TRPM1: variants seen among roughly 807,000 people sequenced by gnomAD.
The protein encoded by TRPM1 is transient receptor potential cation channel subfamily M member 1.
In TRPM1, 113 loss-of-function variants were observed where a neutral mutation model predicts 149.4. The observed-to-expected ratio is 0.76, with a 90% CI of 0.65 to 0.88. The LOEUF (loss-of-function observed/expected upper bound fraction) is 0.88. Ranked by LOEUF, TRPM1 falls within the 40% of genes least tolerant of loss-of-function variation. The probability of loss-of-function intolerance (pLI) is 0.00; values close to 1 mark genes in which losing one functional copy is unlikely to be tolerated. For missense variants in TRPM1, 1,976 were observed against 2,038.7 expected, an observed-to-expected ratio of 0.97 and a Z score of 0.59; for synonymous variants, 741 against 759.5, an observed-to-expected ratio of 0.98 and a Z score of 0.40.
intron 1 of TRPM1, among the ~76,000 whole-genome samples, chr15:31,158,428 C>G (rs1196957456): frequency 2.0e-5 from 3 of 152,072 alleles, no homozygotes; most frequent in Admixed American, 2.0e-4. Context: ...GAGATTGAGA[C>G]CATCCTGGCT....
chr15:31,139,177 T>A (rs1051381091), intron 1 of TRPM1, among the ~76,000 whole-genome samples: 2 of 152,198 alleles, frequency 1.3e-5, no homozygotes, highest in Non-Finnish European at 2.9e-5. Flanking sequence ...CCATAACTCT[T>A]GTCCCATGAA....
chr15:31,139,603 C>T (rs1046433176), intron 1 of TRPM1, among the ~76,000 whole-genome samples: 1 of 152,154 alleles, frequency 6.6e-6, no homozygotes. Context: ...AACCTCAATG[C>T]CTTTTTGTTC....
At chr15:31,033,366 G>C (rs1373465613) in intron 21 of TRPM1, among the ~76,000 whole-genome samples, 1 of 152,208 alleles carries the variant, frequency 6.6e-6, no homozygotes, top group Non-Finnish European at 1.5e-5. Context: ...GAAATGTTTT[G>C]ATTTGGCAAA....
intron 27 of TRPM1, among the ~76,000 whole-genome samples, chr15:31,004,168 A>C (rs1186885617): frequency 6.6e-6 from 1 of 152,102 alleles, no homozygotes. Flanking sequence ...TCTTAAAAAC[A>C]TAGGGAGACT....
chr15:31,096,495 AC>A (rs1278483830), intron 1 of TRPM1, among the ~76,000 whole-genome samples: 1 of 152,128 alleles, frequency 6.6e-6, no homozygotes, highest in African/African-American at 2.4e-5. Flanking sequence ...ATCTTGGGGC[AC>A]CTCAACAGCT....
intron 27 of TRPM1, among the ~76,000 whole-genome samples, chr15:31,023,877 G>C (rs7175354): frequency 0.19 from 29,074 of 152,124 alleles, 3,230 homozygotes; most frequent in African/African-American, 0.32. Flanking sequence ...CAAAATGTTG[G>C]AACTTTTTGA....
chr15:31,094,184 A>T (rs1026570981), intron 1 of TRPM1, among the ~76,000 whole-genome samples: 1 of 152,238 alleles, frequency 6.6e-6, no homozygotes, highest in African/African-American at 2.4e-5. Flanking sequence ...TTGGACCCCT[A>T]CTTCACACTA....
At chr15:31,112,585 CAATT>C (rs1420225148) in intron 1 of TRPM1, among the ~76,000 whole-genome samples, 3 of 152,086 alleles carry the variant, frequency 2.0e-5, no homozygotes, top group East Asian at 3.9e-4. Context: ...CCCAAGGGGC[CAATT>C]AAACTTTTTT....
upstream of TRPM1, among the ~76,000 whole-genome samples, chr15:31,104,680 G>A (rs963902949): frequency 6.6e-5 from 9 of 135,914 alleles, no homozygotes; most frequent in African/African-American, 1.7e-4. Flanking sequence ...TGCAAGCTCC[G>A]CCTCCCAGGT....
In TRPM1 at chr15:31,160,597, C is replaced by T. The variant is rs150712700; in HGVS notation, c.54+309G>A. Among the ~76,000 whole-genome samples, 356 of 152,350 alleles carry T rather than the reference C, an allele frequency of 2.3e-3. 2 individuals carry two copies. Among genetic ancestry groups the T allele is most frequent in the African/African-American group, 8.1e-3 (336 of 41,590 alleles). On this transcript the variant is annotated intron_variant, in intron 1 of 26. Transcript: ENST00000542188. Reference sequence around the variant, plus strand: ...GGGGAAAGCAAGAGATGCAAAACTCCGCAACTGCTGACTCTGGAATGGTGA... The same window carrying T: ...GGGGAAAGCAAGAGATGCAAAACTCTGCAACTGCTGACTCTGGAATGGTGA...
intron 2 of TRPM1, among the ~76,000 whole-genome samples, chr15:31,080,995 G>A (rs2034842902): frequency 6.6e-6 from 1 of 152,170 alleles, no homozygotes; most frequent in African/African-American, 2.4e-5. Context: ...GCTGGCTTTT[G>A]TGGCTAAGTC....
Position 31,090,802 on chromosome 15 carries a change from A to C in TRPM1, c.-83-9364T>G, listed in dbSNP as rs374953124. ...ATACAGTAAACAGTGTGGTGGAAGG[A>C]GAACTTGGGCTTTAGACGTACCTGA... On this transcript the variant is annotated intron_variant, in intron 1 of 27. Coordinates refer to ENST00000256552, the MANE Select transcript of TRPM1 (RefSeq NM_001252024.2). Among the ~76,000 whole-genome samples, 20 of 152,188 alleles carry C rather than the reference A, an allele frequency of 1.3e-4. 1 individual carries two copies. In the East Asian group the frequency reaches 2.9e-3, roughly 22 times the overall value.
chr15:31,158,120 A>G (rs2036400476), intron 1 of TRPM1, among the ~76,000 whole-genome samples: 1 of 152,074 alleles, frequency 6.6e-6, no homozygotes, highest in Non-Finnish European at 1.5e-5. Flanking sequence ...TCCACCAATA[A>G]TTTTACTTCT....
intron 1 of TRPM1, among the ~76,000 whole-genome samples, chr15:31,118,020 G>A (rs537030711): frequency 2.0e-5 from 3 of 152,334 alleles, no homozygotes; most frequent in African/African-American, 7.2e-5. Context: ...CAGCACTTTG[G>A]GAGGCCGAGG....
intron 1 of TRPM1, among the ~76,000 whole-genome samples, chr15:31,118,641 T>A (rs2035835288): frequency 2.6e-5 from 4 of 152,186 alleles, no homozygotes; most frequent in Admixed American, 2.0e-4. Flanking sequence ...CATGGTTGGG[T>A]TAGAACTCTC....
chr15:31,160,953 A>G, exon 1 of TRPM1: 1 of 1,535,486 alleles, frequency 6.5e-7, no homozygotes, highest in Non-Finnish European at 8.7e-7. Context: ...CGCTTGAAGG[A>G]GCTCATCTCT....
chr15:31,157,127 C>T (rs758394343), intron 1 of TRPM1, among the ~76,000 whole-genome samples: 2 of 152,004 alleles, frequency 1.3e-5, no homozygotes, highest in Non-Finnish European at 2.9e-5. Flanking sequence ...TGCCCAGACT[C>T]GTCTCAAACT....
At chr15:31,007,647 GCGCAGCAACAACAACAACAA>G (rs1211721858) in intron 27 of TRPM1, among the ~76,000 whole-genome samples, 3 of 64,410 alleles carry the variant, frequency 4.7e-5, no homozygotes, top group African/African-American at 2.0e-4. Flanking sequence ...AACAACAGCA[GCGCAGCAACAACAACAACAA>G]CAACAACAAC....
At chr15:31,057,717 T>C (rs1344672325) in intron 11 of TRPM1, among the ~76,000 whole-genome samples, 1 of 152,204 alleles carries the variant, frequency 6.6e-6, no homozygotes, top group Non-Finnish European at 1.5e-5. Flanking sequence ...ACAAGAGCCT[T>C]GATATGGTTT....
Sources: gnomAD v4.1 joint callset for allele counts (sites outside exome capture counted in the v4.1 genomes callset) on GRCh38, gnomAD v4.1.1 for gene constraint, MANE v1.5 for transcripts, NCBI Gene and HGNC (gene_info 2026-07-23, HGNC 2026-07-21) for gene names.